Variants in NRG1 observed in about 807,000 individuals in gnomAD.
NRG1 encodes pro-neuregulin-1, membrane-bound isoform.
Under a neutral mutation model 63.8 loss-of-function variants are expected in NRG1, and 18 were observed. That is an observed-to-expected ratio of 0.28 (90% CI 0.19 to 0.42). NRG1 has a LOEUF of 0.42. Ranked by LOEUF, NRG1 falls within the 10% of genes least tolerant of loss-of-function variation. NRG1 has a pLI of 1.00. For missense variants in NRG1, 762 were observed against 814.7 expected, an observed-to-expected ratio of 0.94 and a Z score of 0.79; for synonymous variants, 302 against 301.3, an observed-to-expected ratio of 1.00 and a Z score of -0.02.
At chr8:32,158,263 C>T (rs1585720094) in intron 1 of NRG1, among the ~76,000 whole-genome samples, 1 of 151,738 alleles carries the variant, frequency 6.6e-6, no homozygotes, top group Non-Finnish European at 1.5e-5. Context: ...CTTTCTGATG[C>T]TGTGATCACC....
intron 1 of NRG1, among the ~76,000 whole-genome samples, chr8:31,734,929 C>A (rs1319719998): frequency 1.5e-4 from 23 of 152,094 alleles, no homozygotes; most frequent in Admixed American, 1.4e-3. Context: ...CTAAGGGTCC[C>A]ATGAAAGATT....
intron 1 of NRG1, among the ~76,000 whole-genome samples, chr8:32,275,743 C>G (rs7827648): frequency 0.068 from 10,270 of 152,062 alleles, 1,043 homozygotes; most frequent in African/African-American, 0.22. Flanking sequence ...CTTGTGAAAC[C>G]ACAGGCCTTG....
At chr8:31,993,018 T>C (rs1006914799) in intron 1 of NRG1, among the ~76,000 whole-genome samples, 1 of 152,002 alleles carries the variant, frequency 6.6e-6, no homozygotes. Context: ...TTCTAACTGA[T>C]CTGGGATACA....
intron 1 of NRG1, among the ~76,000 whole-genome samples, chr8:32,184,153 G>A (rs951062052): frequency 6.6e-6 from 1 of 151,876 alleles, no homozygotes; most frequent in African/African-American, 2.4e-5. Flanking sequence ...TATATAGAGA[G>A]AGTACATGTA....
chr8:32,605,667 C>T, exon 3 of NRG1: 1 of 1,613,142 alleles, frequency 6.2e-7, no homozygotes. Context: ...CCAATATCAC[C>T]ATCGTGGAAT....
chr8:31,705,195 C>T (rs1391577799), intron 1 of NRG1, among the ~76,000 whole-genome samples: 1 of 151,980 alleles, frequency 6.6e-6, no homozygotes, highest in Non-Finnish European at 1.5e-5. Flanking sequence ...CGCCACCACA[C>T]GCAGCTAGTT....
At chr8:31,668,433 A>G (rs1396138340) in intron 1 of NRG1, among the ~76,000 whole-genome samples, 1 of 152,200 alleles carries the variant, frequency 6.6e-6, no homozygotes, top group African/African-American at 2.4e-5. Flanking sequence ...AGAGAGGGAT[A>G]TCTCTTTGTC....
At chr8:31,934,409 T>G (rs1835119366) in intron 1 of NRG1, among the ~76,000 whole-genome samples, 1 of 141,134 alleles carries the variant, frequency 7.1e-6, no homozygotes, top group Non-Finnish European at 1.5e-5. Context: ...ACACACCCCT[T>G]TATTCGCTCT....
At chr8:32,535,526 A>G (rs950097915) in intron 1 of NRG1, among the ~76,000 whole-genome samples, 14 of 152,326 alleles carry the variant, frequency 9.2e-5, no homozygotes, top group Admixed American at 9.1e-4. Context: ...AAAAAAAGCC[A>G]CAACTCTTCA....
At chr8:32,256,586 C>T (rs770670408) in intron 1 of NRG1, 3 of 152,996 alleles carry the variant, frequency 2.0e-5, no homozygotes, top group African/African-American at 7.2e-5. Flanking sequence ...GATGGGAGAC[C>T]CTGTTTGCCT....
At chr8:32,064,670 C>CT (rs1824453678) in intron 1 of NRG1, among the ~76,000 whole-genome samples, 1 of 152,152 alleles carries the variant, frequency 6.6e-6, no homozygotes, top group Non-Finnish European at 1.5e-5. Context: ...CCAGACTGGC[C>CT]GAAGCTAATC....
intron 1 of NRG1, among the ~76,000 whole-genome samples, chr8:32,304,314 G>A (rs966050747): frequency 1.3e-5 from 2 of 152,216 alleles, no homozygotes; most frequent in African/African-American, 4.8e-5. Context: ...AAATAGGAAG[G>A]CATGGATATG....
At chr8:32,521,470 G>A (rs551144257) in intron 1 of NRG1, among the ~76,000 whole-genome samples, 4 of 152,076 alleles carry the variant, frequency 2.6e-5, no homozygotes, top group Admixed American at 1.3e-4. Flanking sequence ...TGGTTTAACC[G>A]AGTTGAATAC....
intron 1 of NRG1, among the ~76,000 whole-genome samples, chr8:31,752,413 C>T (rs1217538749): frequency 2.6e-5 from 4 of 151,976 alleles, no homozygotes; most frequent in Non-Finnish European, 5.9e-5. Flanking sequence ...TACATTGTCA[C>T]TGGACTACAG....
At chr8:31,852,573 G>C (rs1449776900) in intron 1 of NRG1, among the ~76,000 whole-genome samples, 2 of 151,320 alleles carry the variant, frequency 1.3e-5, no homozygotes, top group Admixed American at 1.3e-4. Flanking sequence ...TGTTCACTCT[G>C]ATGGTAGTTT....
intron 1 of NRG1, among the ~76,000 whole-genome samples, chr8:32,238,447 A>G (rs879046528): frequency 7.2e-6 from 1 of 138,554 alleles, no homozygotes; most frequent in African/African-American, 2.6e-5. Flanking sequence ...CTCAAAAAGA[A>G]AAAAAAAAAA....
chr8:32,653,236 T>C (rs2129547865), intron 5 of NRG1, among the ~76,000 whole-genome samples: 1 of 152,298 alleles, frequency 6.6e-6, no homozygotes, highest in East Asian at 1.9e-4. Context: ...TGGAAAACAG[T>C]AGAGTGCCTG....
intron 1 of NRG1, among the ~76,000 whole-genome samples, chr8:31,907,668 TGAG>T (rs1832638333): frequency 6.6e-6 from 1 of 152,210 alleles, no homozygotes; most frequent in Admixed American, 6.5e-5. Flanking sequence ...GCTTGTGTTT[TGAG>T]GAGTTAAAAT....
intron 1 of NRG1, among the ~76,000 whole-genome samples, chr8:32,407,298 A>G (rs1587434665): frequency 2.3e-5 from 1 of 43,516 alleles, no homozygotes; most frequent in Non-Finnish European, 4.1e-5. Flanking sequence ...TATATATTAT[A>G]TATATATATA....
Sources: allele counts gnomAD v4.1 joint callset (sites outside exome capture counted in the v4.1 genomes callset), GRCh38; gene constraint gnomAD v4.1.1; transcripts MANE v1.5; gene names NCBI Gene and HGNC (gene_info 2026-07-23, HGNC 2026-07-21).